MANEAL: variants seen among roughly 807,000 people sequenced by gnomAD.
The protein encoded by MANEAL is mannosidase endo-alpha like.
MANEAL carries 28 observed loss-of-function variants against 35.9 expected under a neutral mutation model. That is an observed-to-expected ratio of 0.78 (90% CI 0.58 to 1.07). The LOEUF is 1.07. Among genes scored for constraint, MANEAL ranks in the 50% least tolerant of loss-of-function variants. MANEAL has a pLI of 0.00. For synonymous variants in MANEAL, 286 were observed against 272.2 expected (o/e 1.05, Z -0.50); for missense variants, 576 against 629.6 (o/e 0.91, Z 0.91).
At position 37,799,143 on chromosome 1, in the gene MANEAL, C is replaced by G. The variant is rs1243167653; in HGVS notation, c.738-424C>G. Among the ~76,000 whole-genome samples the G allele has an allele frequency of 1.3e-5, 2 of 152,040 alleles. No homozygotes were observed. The highest frequency in any genetic ancestry group is 4.8e-5 in the African/African-American group (2 of 41,400). On this transcript the variant is annotated intron_variant, in intron 3 of 3. Coordinates refer to ENST00000373045, the MANE Select transcript of MANEAL (RefSeq NM_001113482.2). This position sits in a 1 kb window ranked among gnomAD's most constrained non-coding sequence, Gnocchi z 4.1. ...ATTCCAAGCAGAGGGCTGGCAGATG[C>G]AAGTCCCATAAGATGGAACAAGCTT...
intron 3 of MANEAL, among the ~76,000 whole-genome samples, chr1:37,797,277 T>C (rs1646653102): frequency 6.6e-6 from 1 of 151,712 alleles, no homozygotes; most frequent in Admixed American, 6.6e-5. Context: ...GGCGCACACC[T>C]GTAATCCCAG....
Position 37,794,449 on chromosome 1 carries a change from G to A in MANEAL, c.267G>A (p.Ala89=). 6.5e-7 allele frequency: 1 copy of A among 1,531,936 alleles called. No individual in the cohort carries two copies. Among genetic ancestry groups the A allele is most frequent in the Non-Finnish European group, 8.8e-7 (1 of 1,137,234 alleles). The allele number at this position is 1,531,936 out of a possible 1,614,324, so 94.9% of individuals were successfully genotyped here. A position where few individuals can be genotyped will look rare whatever the true frequency, so the allele number is the denominator to read the frequency against. ...DPGGSPGPAP[A]EAEPAPVQSL... ...GCGGCTCCCCTGGGCCGGCACCCGC[G>A]GAGGCCGAGCCCGCCCCCGTGCAGA... The change falls in exon 1 of 4, where the codon GCG becomes GCA. Residue 89 remains alanine (A), a synonymous_variant. Coordinates refer to ENST00000373045, the MANE Select transcript of MANEAL (RefSeq NM_001113482.2). The surrounding 1 kb of genome is among the most constrained non-coding windows in gnomAD (Gnocchi z 5.7).
rs2148386886 is a variant in MANEAL at position 37,799,210 on chromosome 1, T to G, written c.738-357T>G. On this transcript the variant is annotated intron_variant, in intron 3 of 3. Transcript: ENST00000373045. This position sits in a 1 kb window ranked among gnomAD's most constrained non-coding sequence, Gnocchi z 4.1. ...CCGGATAGAAAGGCCAGATGGGGAG[T>G]AATAGCTGGGAAAAGAGCAGGAATG... 6.6e-6 allele frequency among the ~76,000 whole-genome samples: 1 copy of G among 150,406 alleles called. No individual in the cohort carries two copies. The highest frequency in any genetic ancestry group is 2.0e-4 in the East Asian group (1 of 5,104).
chr1:37,795,518 C>T (rs1646638050), intron 1 of MANEAL: 4 of 1,376,342 alleles, frequency 2.9e-6, no homozygotes, highest in Non-Finnish European at 3.8e-6. Context: ...TCCGGCCTGG[C>T]GCGCTACGGT....
intron 3 of MANEAL, among the ~76,000 whole-genome samples, chr1:37,797,698 T>TG (rs1388141922): frequency 6.6e-6 from 1 of 151,942 alleles, no homozygotes; most frequent in African/African-American, 2.4e-5. Flanking sequence ...CCCAGCTACT[T>TG]GGGGGGCTAA....
chr1:37,796,875 TAGA>T (rs1646650127), intron 3 of MANEAL, 55 bp downstream of exon 3: 1 of 1,531,862 alleles, frequency 6.5e-7, no homozygotes, highest in Non-Finnish European at 8.9e-7. Context: ...GAGGTAGGGA[TAGA>T]AGGTTTGGAG....
chr1:37,800,831 T>C lies in MANEAL; in HGVS notation c.*628T>C, dbSNP rs1646692180. On this transcript the variant is annotated 3_prime_UTR_variant, in exon 4 of 4. Transcript: ENST00000373045. ...GAAAACTTGACCAAGGAAGAGTTCC[T>C]GTCCTGAAGCTTCCAGGACCCAGCT... 6.5e-6 allele frequency: 1 copy of C among 152,750 alleles called. No individual in the cohort carries two copies. The highest frequency in any genetic ancestry group is 1.5e-5 in the Non-Finnish European group (1 of 68,458). 9.5% of individuals were successfully genotyped at this position (152,750 alleles called of 1,614,324 possible). A position where few individuals can be genotyped will look rare whatever the true frequency, so the allele number is the denominator to read the frequency against.
chr1:37,795,424 C>T, intron 1 of MANEAL: 1 of 1,039,514 alleles, frequency 9.6e-7, no homozygotes, highest in South Asian at 2.1e-5. Flanking sequence ...AGAGGTAGGC[C>T]TGTGGCTTCC....
chr1:37,798,995 G>C (rs533949019), intron 3 of MANEAL, among the ~76,000 whole-genome samples: 1 of 151,982 alleles, frequency 6.6e-6, no homozygotes, highest in Non-Finnish European at 1.5e-5. Flanking sequence ...AGCTGAGATC[G>C]CCCACCGCAC....
At chr1:37,795,374 T>A in intron 1 of MANEAL, 1 of 466,772 alleles carries the variant, frequency 2.1e-6, no homozygotes, top group Non-Finnish European at 3.0e-6. Context: ...AGGGCTCTTC[T>A]CCATGCGGGA....
intron 3 of MANEAL, among the ~76,000 whole-genome samples, chr1:37,798,741 G>T (rs756033040): frequency 2.7e-5 from 4 of 149,270 alleles, no homozygotes; most frequent in Non-Finnish European, 5.9e-5. Context: ...ATAAAAAAAA[G>T]AAAAAAGAAA....
At chr1:37,796,587 C>T (rs1348278698) in intron 2 of MANEAL, among the ~76,000 whole-genome samples, 157 bp from the exon 3 acceptor site, 3 of 152,222 alleles carry the variant, frequency 2.0e-5, no homozygotes, top group African/African-American at 7.2e-5. Context: ...TTTTGGCCTT[C>T]AAGGGCAGCA....
chr1:37,796,923 G>T, intron 3 of MANEAL, 103 bp downstream of exon 3: 1 of 1,124,638 alleles, frequency 8.9e-7, no homozygotes. Flanking sequence ...TAATGCCTGT[G>T]TTTCCCAGCA....
chr1:37,799,901 G>A lies in MANEAL; in HGVS notation c.1072G>A (p.Val358Met). The change falls in exon 4 of 4, where the codon GTG becomes ATG. Residue 358 changes from valine to methionine, a missense_variant. Physicochemically the swap from Val to Met is conservative, Grantham distance 21. Around this residue, in one of 3 missense-constraint regions of MANEAL, gnomAD observed 449 missense variants for 516.1 expected, o/e 0.87. Transcript: ENST00000373045. This position sits in a 1 kb window ranked among gnomAD's most constrained non-coding sequence, Gnocchi z 4.1. Reference protein sequence around the residue: ...DANNLMFIPSVGPGYIDTSIR... With the variant: ...DANNLMFIPSMGPGYIDTSIR... Reference sequence around the variant, plus strand: ...CAACAACCTCATGTTCATCCCCAGTGTGGGGCCTGGCTACATAGACACCAG... The same window carrying A: ...CAACAACCTCATGTTCATCCCCAGTATGGGGCCTGGCTACATAGACACCAG... 6 of 1,614,258 alleles carry A rather than the reference G, an allele frequency of 3.7e-6. No homozygotes were observed. Among genetic ancestry groups the A allele is most frequent in the Non-Finnish European group, 5.1e-6 (6 of 1,180,052 alleles).
Position 37,799,451 on chromosome 1 carries a change from T to G in MANEAL, c.738-116T>G. On this transcript the variant is annotated intron_variant, in intron 3 of 3. Transcript: ENST00000373045. The surrounding 1 kb of genome is among the most constrained non-coding windows in gnomAD (Gnocchi z 4.1). ...CTTAGAGGCATGATGACTCCAACTG[T>G]GGAGACTGACTGGCTCCAGAACTGG... 8.4e-7 allele frequency: 1 copy of G among 1,190,762 alleles called. No individual in the cohort carries two copies. Among genetic ancestry groups the G allele is most frequent in the Non-Finnish European group, 1.2e-6 (1 of 850,252 alleles). 73.8% of individuals were successfully genotyped at this position (1,190,762 alleles called of 1,614,324 possible).
intron 3 of MANEAL, 53 bp downstream of exon 3, chr1:37,796,873 G>A (rs1410522855): frequency 9.1e-6 from 14 of 1,536,932 alleles, no homozygotes; most frequent in Non-Finnish European, 1.2e-5. Context: ...TGGAGGTAGG[G>A]ATAGAAGGTT....
At position 37,794,389 on chromosome 1, in the gene MANEAL, C is replaced by CCCGCCGCCG. The variant is rs878984290; in HGVS notation, c.216_224dup (p.Pro73_Pro75dup). The CCCGCCGCCG allele has an allele frequency of 5.4e-6, 6 of 1,113,666 alleles. No individual in the cohort carries two copies. Among genetic ancestry groups the CCCGCCGCCG allele is most frequent in the Non-Finnish European group, 6.6e-6 (6 of 913,196 alleles). 69.0% of individuals were successfully genotyped at this position (1,113,666 alleles called of 1,614,324 possible). A position where few individuals can be genotyped will look rare whatever the true frequency, so the allele number is the denominator to read the frequency against. On this transcript the variant is annotated inframe_insertion, in exon 1 of 4. Coordinates refer to ENST00000373045, the MANE Select transcript of MANEAL (RefSeq NM_001113482.2). This position sits in a 1 kb window ranked among gnomAD's most constrained non-coding sequence, Gnocchi z 5.7. ...CCCCGGCAGCCCCTGCCGCGCCGCC[C>CCCGCCGCCG]CCGCCGCCGCCGCCGCCCCGCACCG... is the stretch of plus-strand genomic sequence containing the variant.
chr1:37,800,017 C>A lies in MANEAL; in HGVS notation c.1188C>A (p.Pro396=). 6.2e-7 allele frequency: 1 copy of A among 1,614,204 alleles called. No individual in the cohort carries two copies. Among genetic ancestry groups the A allele is most frequent in the East Asian group, 2.2e-5 (1 of 44,882 alleles). ...TGCAGGCGGCCCTGACAGTGAGGCCCGAGATCGTTTCCATTACCTCCTTCA... is the reference window on the plus strand; with the variant it reads ...TGCAGGCGGCCCTGACAGTGAGGCCAGAGATCGTTTCCATTACCTCCTTCA... ...TALQAALTVR[P]EIVSITSFNE... The change falls in exon 4 of 4, where the codon CCC becomes CCA. Residue 396 remains proline (P), a synonymous_variant. Coordinates refer to ENST00000373045, the MANE Select transcript of MANEAL (RefSeq NM_001113482.2).
chr1:37,796,654 C>T (rs1431245209), intron 2 of MANEAL, 90 bp from the exon 3 acceptor site: 1 of 1,248,962 alleles, frequency 8.0e-7, no homozygotes, highest in African/African-American at 1.5e-5. Context: ...AACTCAGCCT[C>T]TCCTCCAGGC....
Sources: allele counts gnomAD v4.1 joint callset (sites outside exome capture counted in the v4.1 genomes callset), GRCh38; gene constraint gnomAD v4.1.1; regional missense constraint gnomAD v4.1.1; non-coding constraint Gnocchi (gnomAD v3.1); transcripts MANE v1.5; gene names NCBI Gene and HGNC (gene_info 2026-07-23, HGNC 2026-07-21).